The following ADAMTSL5 variants were observed in gnomAD, a reference collection of about 807,000 sequenced individuals.
The protein encoded by ADAMTSL5 is ADAMTS-like protein 5.
A neutral mutation model predicts 51.7 loss-of-function variants in ADAMTSL5; 53 were observed. That is an observed-to-expected ratio of 1.03 (90% CI 0.82 to 1.29). The LOEUF (loss-of-function observed/expected upper bound fraction) is 1.29. Ranked by LOEUF, ADAMTSL5 falls within the 50% of genes most tolerant of loss-of-function variation. The pLI is 0.00. For missense variants in ADAMTSL5, 770 were observed against 676.2 expected (o/e 1.14, Z -1.54); for synonymous variants, 285 against 278.7 (o/e 1.02, Z -0.23).
In ADAMTSL5 at chr19:1,506,317, C is replaced by T; in HGVS notation, c.1115-1G>A. On this transcript the variant is annotated splice_acceptor_variant, in intron 11 of 11. Transcript: ENST00000330475. LOFTEE classifies it high-confidence loss of function. The surrounding 1 kb of genome is among the most constrained non-coding windows in gnomAD (Gnocchi z 5.6). ...TGGCCCAGCACTCGGGCCTGGAACACTGTTGAGGGGACGTGCTAAGCTGGC... is the reference window on the plus strand; with the variant it reads ...TGGCCCAGCACTCGGGCCTGGAACATTGTTGAGGGGACGTGCTAAGCTGGC... 6.5e-7 allele frequency: 1 copy of T among 1,545,618 alleles called. No individual in the cohort carries two copies. The highest frequency in any genetic ancestry group is 1.2e-5 in the South Asian group (1 of 80,046).
Position 1,505,604 on chromosome 19 carries a change from G to C in ADAMTSL5, c.*411C>G, listed in dbSNP as rs575114724. The C allele has an allele frequency of 3.4e-5, 6 of 176,528 alleles. No homozygotes were observed. The highest frequency in any genetic ancestry group is 1.4e-4 in the African/African-American group (6 of 42,002). The allele number at this position is 176,528 out of a possible 1,614,324, so 10.9% of individuals were successfully genotyped here. On this transcript the variant is annotated 3_prime_UTR_variant, in exon 12 of 12. Transcript: ENST00000330475. ...GTGTGAGTAGCAGAGAGCAGAGACA[G>C]CACAGTGTCTGGGAAGTAAACAGAT... is the stretch of plus-strand genomic sequence containing the variant.
rs530499369 is a variant in ADAMTSL5, at chr19:1,507,458, T to C, written c.689-53A>G. On this transcript the variant is annotated intron_variant, in intron 8 of 11. Coordinates refer to ENST00000330475, the MANE Select transcript of ADAMTSL5 (RefSeq NM_213604.3). ...ACCTGTCGTCTCGTCTCCCAGACCC[T>C]GGGGTCCCCTCCTCAGGCCTCAGTC... The C allele has an allele frequency of 5.6e-6, 9 of 1,605,968 alleles. No individual in the cohort carries two copies. The African/African-American group carries it at 1.2e-4, about 21-fold the overall frequency.
intron 5 of ADAMTSL5, 73 bp downstream of exon 5, chr19:1,510,077 A>T: frequency 7.9e-7 from 1 of 1,268,356 alleles, no homozygotes. Flanking sequence ...GCAACCCTCC[A>T]AGACCCTCTC....
chr19:1,508,226 A>G (rs1913065293), intron 6 of ADAMTSL5, 117 bp from the exon 7 acceptor site: 1 of 1,141,132 alleles, frequency 8.8e-7, no homozygotes, highest in Non-Finnish European at 1.2e-6. Context: ...GGTGGAGCCT[A>G]GGGAGGAGCA....
chr19:1,506,834 C>T lies in ADAMTSL5; in HGVS notation c.947G>A (p.Gly316Asp). ...SPFQARVQAL[G>D]WPLRQPQPRG... is the part of the protein sequence containing the mutation. The stretch of plus-strand genomic sequence containing the variant: ...GGGCTGAGGCTGCCTCAGGGGCCAG[C>T]CCAGGGCCTGCACACGAGCCTGGAA... The change falls in exon 10 of 12, where the codon GGC becomes GAC. Residue 316 changes from glycine (G) to aspartate (D), a missense_variant. By Grantham distance (94) the Gly-to-Asp change is moderately conservative. Transcript: ENST00000330475. This position sits in a 1 kb window ranked among gnomAD's most constrained non-coding sequence, Gnocchi z 5.6. 1 of 1,542,200 alleles carries T rather than the reference C, an allele frequency of 6.5e-7. No homozygotes were observed.
At chr19:1,512,226 T>G (rs1913297397) in intron 1 of ADAMTSL5, among the ~76,000 whole-genome samples, 1 of 152,200 alleles carries the variant, frequency 6.6e-6, no homozygotes, top group Non-Finnish European at 1.5e-5. Context: ...CCTGTTTCCC[T>G]GGCTCCAGCA....
intron 5 of ADAMTSL5, among the ~76,000 whole-genome samples, chr19:1,509,307 C>T (rs1000771630): frequency 2.6e-5 from 4 of 151,190 alleles, no homozygotes; most frequent in Non-Finnish European, 5.9e-5. Context: ...GCCCAGGCAC[C>T]AGCAAGTACC....
rs1320838096 is a variant in ADAMTSL5 at position 1,508,094 on chromosome 19, C to T, written c.505G>A (p.Gly169Arg). The change falls in exon 7 of 12, where the codon GGG (glycine) becomes AGG (arginine). Residue 169 changes from glycine (G) to arginine (R), a missense_variant. By Grantham distance (125) the Gly-to-Arg change is moderately radical. Coordinates refer to ENST00000330475, the MANE Select transcript of ADAMTSL5 (RefSeq NM_213604.3). ...TCGAGGGCACCCGAGCCCAACAACC[C>T]ATCACAGCCGGCGCTCTAAAGGGTG... is the stretch of plus-strand genomic sequence containing the variant. ...AGRCLSAGCDGLLGSGALEDR... is the reference protein window; with the variant it reads ...AGRCLSAGCDRLLGSGALEDR... 1.9e-6 allele frequency: 3 copies of T among 1,609,772 alleles called. No individual in the cohort carries two copies. The highest frequency in any genetic ancestry group is 2.5e-6 in the Non-Finnish European group (3 of 1,178,712).
At position 1,506,899 on chromosome 19, in the gene ADAMTSL5, G is replaced by A. The variant is rs1378418466; in HGVS notation, c.882C>T (p.Ile294=). 1.9e-6 allele frequency: 3 copies of A among 1,548,896 alleles called. No homozygotes were observed. Among genetic ancestry groups the A allele is most frequent in the East Asian group, 2.4e-5 (1 of 40,882 alleles). ...QVLLQEPNPG[I]EFEFWLPRER... ...CCCGAGGGAGCCAGAACTCAAACTC[G>A]ATGCCAGGGTTGGGCTCCTGCAGGA... The change falls in exon 10 of 12, where the codon ATC becomes ATT. Residue 294 remains isoleucine, a synonymous_variant. Coordinates refer to ENST00000330475, the MANE Select transcript of ADAMTSL5 (RefSeq NM_213604.3). The surrounding 1 kb of genome is among the most constrained non-coding windows in gnomAD (Gnocchi z 5.6).
chr19:1,506,049 C>A lies in ADAMTSL5; in HGVS notation c.1382G>T (p.Arg461Leu). 6.3e-6 allele frequency: 10 copies of A among 1,587,640 alleles called. No homozygotes were observed. The highest frequency in any genetic ancestry group is 8.5e-6 in the Non-Finnish European group (10 of 1,172,952). The part of the protein sequence containing the change: ...ARPWSPAEDS[R>L]IRLTARRCPG ...ACAGCGCCGGGCAGTCAGGCGTATG[C>A]GGCTGTCCTCCGCAGGGCTCCAGGG... Residue 461 changes from arginine to leucine, a missense_variant, in exon 12 of 12, where the codon CGC (arginine) becomes CTC (leucine). Coordinates refer to ENST00000330475, the MANE Select transcript of ADAMTSL5 (RefSeq NM_213604.3). This position sits in a 1 kb window ranked among gnomAD's most constrained non-coding sequence, Gnocchi z 5.6.
chr19:1,507,237 G>T lies in ADAMTSL5; in HGVS notation c.852+5C>A. The T allele has an allele frequency of 1.3e-6, 2 of 1,528,318 alleles. No homozygotes were observed. Among genetic ancestry groups the T allele is most frequent in the Non-Finnish European group, 1.8e-6 (2 of 1,139,544 alleles). 94.7% of individuals were successfully genotyped at this position (1,528,318 alleles called of 1,614,324 possible). A position where few individuals can be genotyped will look rare whatever the true frequency, so the allele number is the denominator to read the frequency against. On this transcript the variant is annotated splice_donor_5th_base_variant and intron_variant, in intron 9 of 11. Transcript: ENST00000330475. ...CCTCTGACCCTGTTGGAGGCCCAGT[G>T]GCACCTGTAGGAGCAGGTCATGGGA...
intron 8 of ADAMTSL5, 36 bp downstream of exon 8, chr19:1,507,521 C>CCGG: frequency 6.2e-7 from 1 of 1,608,676 alleles, no homozygotes; most frequent in Non-Finnish European, 8.5e-7. Context: ...CCCCGGGTGC[C>CCGG]CAGCCGGGTG....
In ADAMTSL5 at chr19:1,506,415, C is replaced by T; in HGVS notation, c.1115-99G>A. Reference sequence around the variant, plus strand: ...AGAGGGACTGAGGGTCAGGTGGGACCTCGGGATCTATAGGGACTAGAGTCA... The same window carrying T: ...AGAGGGACTGAGGGTCAGGTGGGACTTCGGGATCTATAGGGACTAGAGTCA... On this transcript the variant is annotated intron_variant, in intron 11 of 11. Transcript: ENST00000330475. This position sits in a 1 kb window ranked among gnomAD's most constrained non-coding sequence, Gnocchi z 5.6. The T allele has an allele frequency of 6.8e-7, 1 of 1,475,476 alleles. No homozygotes were observed. Among genetic ancestry groups the T allele is most frequent in the Non-Finnish European group, 9.1e-7 (1 of 1,093,078 alleles). 91.4% of individuals were successfully genotyped at this position (1,475,476 alleles called of 1,614,324 possible).
chr19:1,507,391 C>T lies in ADAMTSL5; in HGVS notation c.703G>A (p.Asp235Asn), dbSNP rs1415433996. The T allele has an allele frequency of 8.3e-6, 13 of 1,572,994 alleles. 1 individual carries two copies. In the South Asian group the frequency reaches 8.3e-5, roughly 10 times the overall value. ...SRNHLALMGG[D>N]GRYVLNGHWV... ...TGCCCATTAAGCACGTAGCGCCCATCGCCCCCCATCAGTGCTGCAAGGGAA... is the reference window on the plus strand; with the variant it reads ...TGCCCATTAAGCACGTAGCGCCCATTGCCCCCCATCAGTGCTGCAAGGGAA... Residue 235 changes from aspartate (D) to asparagine (N), a missense_variant, in exon 9 of 12, where the codon GAT (aspartate) becomes AAT (asparagine). By Grantham distance (23) the Asp-to-Asn change is conservative (BLOSUM62 1). Transcript: ENST00000330475.
intron 1 of ADAMTSL5, among the ~76,000 whole-genome samples, chr19:1,512,707 A>G (rs1913324573): frequency 6.6e-6 from 1 of 151,846 alleles, no homozygotes; most frequent in South Asian, 2.1e-4. Flanking sequence ...CAAAAAAAAC[A>G]GGGGGAGGGG....
chr19:1,507,618 C>A lies in ADAMTSL5; in HGVS notation c.627G>T (p.Val209=), dbSNP rs748198402. The A allele has an allele frequency of 6.2e-7, 1 of 1,613,402 alleles. No individual in the cohort carries two copies. Among genetic ancestry groups the A allele is most frequent in the African/African-American group, 1.3e-5 (1 of 74,910 alleles). Residue 209 remains valine (V), a synonymous_variant, in exon 8 of 12, where the codon GTG becomes GTT. Coordinates refer to ENST00000330475, the MANE Select transcript of ADAMTSL5 (RefSeq NM_213604.3). ...GTCTGGCGCCCTCGGGGATCAGGGT[C>A]ACGTTCCAGTACCCAGCGAAGGCAC... ...DAGAFAGYWN[V]TLIPEGARHI...
chr19:1,511,040 C>G lies in ADAMTSL5; in HGVS notation c.-97G>C, dbSNP rs953607486. ...CTAAACCTCTCTGAGCCCTACCTCT[C>G]GTCTCTGAAAAACGGGGTAATAGAG... On this transcript the variant is annotated 5_prime_UTR_variant, in exon 2 of 12. Coordinates refer to ENST00000330475, the MANE Select transcript of ADAMTSL5 (RefSeq NM_213604.3). 1.0e-6 allele frequency: 1 copy of G among 974,086 alleles called. No homozygotes were observed. Among genetic ancestry groups the G allele is most frequent in the African/African-American group, 1.7e-5 (1 of 58,386 alleles). The allele number at this position is 974,086 out of a possible 1,614,324, so 60.3% of individuals were successfully genotyped here. A position where few individuals can be genotyped will look rare whatever the true frequency, so the allele number is the denominator to read the frequency against.
In ADAMTSL5 at chr19:1,511,609, C is replaced by T. The variant is rs76168084; in HGVS notation, c.-217-449G>A. 44 of 1,279,606 alleles carry T rather than the reference C, an allele frequency of 3.4e-5. No homozygotes were observed. In the East Asian group the frequency reaches 2.3e-3, roughly 68 times the overall value. The allele number at this position is 1,279,606 out of a possible 1,614,324, so 79.3% of individuals were successfully genotyped here. Reference sequence around the variant, plus strand: ...TGGGGCCCCCTCCCCGCCCTCCCCACCATCACTGCTTCTACCTTTCCGTGT... The same window carrying T: ...TGGGGCCCCCTCCCCGCCCTCCCCATCATCACTGCTTCTACCTTTCCGTGT... On this transcript the variant is annotated intron_variant, in intron 1 of 11. Coordinates refer to ENST00000330475, the MANE Select transcript of ADAMTSL5 (RefSeq NM_213604.3).
At chr19:1,509,176 A>C (rs1913119508) in intron 5 of ADAMTSL5, among the ~76,000 whole-genome samples, 2 of 141,458 alleles carry the variant, frequency 1.4e-5, no homozygotes, top group South Asian at 4.7e-4. Flanking sequence ...AATCGCTTGA[A>C]CCAGGGAGGT....
Sources: gnomAD v4.1 joint callset for allele counts (sites outside exome capture counted in the v4.1 genomes callset) on GRCh38, gnomAD v4.1.1 for gene constraint, Gnocchi (gnomAD v3.1) non-coding constraint, MANE v1.5 for transcripts, NCBI Gene and HGNC (gene_info 2026-07-23, HGNC 2026-07-21) for gene names.